Variants in FGF12 observed in about 807,000 individuals in gnomAD.
The protein encoded by FGF12 is fibroblast growth factor 12B.
FGF12 carries 14 observed loss-of-function variants against 23.6 expected under a neutral mutation model. That is an observed-to-expected ratio of 0.59 (90% CI 0.39 to 0.93). The LOEUF is 0.93. Ranked by LOEUF, FGF12 falls within the 40% of genes least tolerant of loss-of-function variation. FGF12 has a pLI of 0.00. For missense variants in FGF12, 175 were observed against 217.8 expected (o/e 0.80, Z 1.24); for synonymous variants, 62 against 77.3 (o/e 0.80, Z 1.04).
intron 2 of FGF12, among the ~76,000 whole-genome samples, chr3:192,373,251 TTAGCA>T (rs1482614480): frequency 2.0e-5 from 3 of 152,084 alleles, no homozygotes; most frequent in Non-Finnish European, 4.4e-5. Context: ...TATCTAGTTC[TTAGCA>T]TAGTGCCCAT....
chr3:192,603,630 G>A (rs1460397541), intron 2 of FGF12, among the ~76,000 whole-genome samples: 6 of 152,114 alleles, frequency 3.9e-5, no homozygotes, highest in Admixed American at 3.9e-4. Flanking sequence ...GCCCACCTGA[G>A]CCTCAAAACC....
chr3:192,404,629 T>C (rs1271221080), intron 2 of FGF12, among the ~76,000 whole-genome samples: 2 of 152,206 alleles, frequency 1.3e-5, no homozygotes, highest in African/African-American at 2.4e-5. Flanking sequence ...AAATAATGAC[T>C]ATAAGTACAC....
At position 192,215,258 on chromosome 3, in the gene FGF12, T is replaced by C. The variant is rs986445258; in HGVS notation, c.229-44602A>G. On this transcript the variant is annotated intron_variant, in intron 4 of 5. Coordinates refer to ENST00000445105, the MANE Select transcript of FGF12 (RefSeq NM_004113.6). ...TCTCAAATAACCCCCACCTGCCCAT[T>C]AGACTCTGCACTAATCTCTGTCTCA... Among the ~76,000 whole-genome samples the C allele has an allele frequency of 5.3e-5, 8 of 152,236 alleles. No homozygotes were observed. In the South Asian group the frequency reaches 1.5e-3, roughly 28 times the overall value.
intron 2 of FGF12, among the ~76,000 whole-genome samples, chr3:192,549,547 T>C (rs1467392146): frequency 6.6e-6 from 1 of 152,230 alleles, no homozygotes. Flanking sequence ...GTTAATTTTA[T>C]GTGTCTACTT....
intron 2 of FGF12, among the ~76,000 whole-genome samples, chr3:192,632,268 C>G (rs1715416999): frequency 6.6e-6 from 1 of 152,096 alleles, no homozygotes; most frequent in Admixed American, 6.5e-5. Flanking sequence ...TTTATTTTAA[C>G]TTGATATACA....
At chr3:192,579,122 A>G (rs980836966) in intron 2 of FGF12, among the ~76,000 whole-genome samples, 2 of 152,178 alleles carry the variant, frequency 1.3e-5, no homozygotes, top group African/African-American at 4.8e-5. Context: ...TGAAATAGAC[A>G]ATGGTCTTTA....
At chr3:192,658,285 C>A (rs368215682) in intron 2 of FGF12, among the ~76,000 whole-genome samples, 1 of 152,312 alleles carries the variant, frequency 6.6e-6, no homozygotes, top group East Asian at 1.9e-4. Context: ...TGATACTGAA[C>A]CTGCCAGTGG....
chr3:192,250,048 T>G (rs1711902229), intron 4 of FGF12, among the ~76,000 whole-genome samples: 1 of 152,188 alleles, frequency 6.6e-6, no homozygotes, highest in Non-Finnish European at 1.5e-5. Context: ...AACCTTATTA[T>G]CGATTCATTT....
intron 2 of FGF12, among the ~76,000 whole-genome samples, chr3:192,446,049 T>C (rs1722344662): frequency 6.6e-6 from 1 of 152,214 alleles, no homozygotes; most frequent in Non-Finnish European, 1.5e-5. Flanking sequence ...AGAGGCATTC[T>C]TTGTGACAGC....
At chr3:192,240,810 C>G (rs1719579885) in intron 4 of FGF12, among the ~76,000 whole-genome samples, 2 of 152,196 alleles carry the variant, frequency 1.3e-5, no homozygotes, top group Admixed American at 1.3e-4. Flanking sequence ...TTTTATGATA[C>G]TATCATGCTT....
At chr3:192,601,107 C>T (rs34130306) in intron 2 of FGF12, among the ~76,000 whole-genome samples, 17,632 of 151,996 alleles carry the variant, frequency 0.12, 1,150 homozygotes, top group Non-Finnish European at 0.14. Context: ...CAACGAAATA[C>T]CATTCAGCCA....
In FGF12 at chr3:192,577,237, G is replaced by T. The variant is rs6798939; in HGVS notation, c.13+149944C>A. ...AAATAAATAAATAATACTAATGGTA[G>T]CCATGCTCTTTCTGGTGGTGAGACA... On this transcript the variant is annotated intron_variant, in intron 2 of 5. Transcript: ENST00000445105. 2.9e-3 allele frequency among the ~76,000 whole-genome samples: 444 copies of T among 152,200 alleles called. 4 individuals are homozygous for T. Among genetic ancestry groups the T allele is most frequent in the African/African-American group, 0.01 (425 of 41,538 alleles).
intron 2 of FGF12, among the ~76,000 whole-genome samples, chr3:192,392,935 G>A (rs902965709): frequency 2.6e-5 from 4 of 152,154 alleles, no homozygotes; most frequent in African/African-American, 9.7e-5. Flanking sequence ...TGTTAATGGG[G>A]TATAGGTTTG....
chr3:192,183,570 A>G (rs1716295809), intron 4 of FGF12, among the ~76,000 whole-genome samples: 1 of 152,254 alleles, frequency 6.6e-6, no homozygotes, highest in Non-Finnish European at 1.5e-5. Context: ...CTAAAGTCCC[A>G]GGAATATCAT....
chr3:192,378,026 T>TTTCTCTCTCTTTCTTTCTTTCTTTC (rs1553804997), intron 2 of FGF12, among the ~76,000 whole-genome samples: 4 of 69,434 alleles, frequency 5.8e-5, no homozygotes, highest in Admixed American at 1.4e-4. Flanking sequence ...TGACTCTTTC[T>TTTCTCTCTCTTTCTTTCTTTCTTTC]TTTCTTTCTT....
At position 192,335,088 on chromosome 3, in the gene FGF12, A is replaced by G. The variant is rs995161316; in HGVS notation, c.228+273T>C. 3.3e-5 allele frequency among the ~76,000 whole-genome samples: 5 copies of G among 152,314 alleles called. No individual in the cohort carries two copies. In the East Asian group the frequency reaches 9.6e-4, roughly 29 times the overall value. ...GTCTTGCTCTTTGAATTAAACAGAAAGGTAAAATTCCAAAAGGAGAGTATC... is the reference window on the plus strand; with the variant it reads ...GTCTTGCTCTTTGAATTAAACAGAAGGGTAAAATTCCAAAAGGAGAGTATC... On this transcript the variant is annotated intron_variant, in intron 4 of 5. Coordinates refer to ENST00000445105, the MANE Select transcript of FGF12 (RefSeq NM_004113.6).
chr3:192,427,845 A>G (rs916502080), intron 2 of FGF12, among the ~76,000 whole-genome samples: 1 of 152,348 alleles, frequency 6.6e-6, no homozygotes, highest in South Asian at 2.1e-4. Flanking sequence ...TGCAGCCACC[A>G]GCAGAGAAGT....
At chr3:192,348,392 C>T (rs1278960565) in intron 3 of FGF12, among the ~76,000 whole-genome samples, 3 of 152,058 alleles carry the variant, frequency 2.0e-5, no homozygotes, top group African/African-American at 4.8e-5. Flanking sequence ...CCTCAAACTT[C>T]TCAAATCAGA....
chr3:192,565,282 A>T (rs913647259), intron 2 of FGF12, among the ~76,000 whole-genome samples: 2 of 152,262 alleles, frequency 1.3e-5, no homozygotes, highest in Non-Finnish European at 2.9e-5. Flanking sequence ...GAAGATGCTA[A>T]GACAAATCAA....
Sources: gnomAD v4.1 joint callset for allele counts (sites outside exome capture counted in the v4.1 genomes callset) on GRCh38, gnomAD v4.1.1 for gene constraint, MANE v1.5 for transcripts, NCBI Gene and HGNC (gene_info 2026-07-23, HGNC 2026-07-21) for gene names.